HEXB: variants seen among roughly 807,000 people sequenced by gnomAD.
The protein encoded by HEXB is beta-hexosaminidase subunit beta.
Under a neutral mutation model 71.2 loss-of-function variants are expected in HEXB, and 51 were observed. The observed-to-expected ratio is 0.72, with a 90% CI of 0.57 to 0.90. The LOEUF (loss-of-function observed/expected upper bound fraction) is 0.90, where lower values mean the gene tolerates loss of function less well. HEXB is among the 40% of genes least tolerant of loss of function. The probability of loss-of-function intolerance (pLI) is 0.00; values close to 1 mark genes in which losing one functional copy is unlikely to be tolerated. For missense variants in HEXB, 617 were observed against 677.0 expected (o/e 0.91, Z 0.98); for synonymous variants, 266 against 249.3 (o/e 1.07, Z -0.63).
At chr5:74,640,672 G>C (rs1021565834) in intron 1 of HEXB, 1 of 152,448 alleles carries the variant, frequency 6.6e-6, no homozygotes, top group African/African-American at 2.4e-5. Flanking sequence ...CGTCTGGACC[G>C]GGTCTCCGCA....
At chr5:74,646,417 C>T (rs897330371) in intron 1 of HEXB, among the ~76,000 whole-genome samples, 1 of 152,132 alleles carries the variant, frequency 6.6e-6, no homozygotes, top group African/African-American at 2.4e-5. Flanking sequence ...AGGCTCTGCT[C>T]TTCTTGCACA....
Position 74,720,730 on chromosome 5 carries a change from C to A in HEXB, c.1596C>A (p.His532Gln). The A allele has an allele frequency of 6.2e-7, 1 of 1,613,492 alleles. No individual in the cohort carries two copies. Among genetic ancestry groups the A allele is most frequent in the African/African-American group, 1.3e-5 (1 of 75,020 alleles). The change falls in exon 13 of 14, where the codon CAC (histidine) becomes CAA (glutamine). Residue 532 changes from histidine (H) to glutamine (Q), a missense_variant. Coordinates refer to ENST00000261416, the MANE Select transcript of HEXB (RefSeq NM_000521.4). Reference protein sequence around the residue: ...MDDAYDRLTRHRCRMVERGIA... With the variant: ...MDDAYDRLTRQRCRMVERGIA... ...ACGCCTATGACAGACTGACAAGGCA[C>A]CGCTGCAGGATGGTCGAGTAAGAAA...
At chr5:74,697,753 C>T (rs1464405347) in intron 5 of HEXB, among the ~76,000 whole-genome samples, 4 of 141,294 alleles carry the variant, frequency 2.8e-5, no homozygotes, top group Non-Finnish European at 4.6e-5. Flanking sequence ...AAAAGGAATA[C>T]GTGGCCACCA....
At chr5:74,646,283 C>T (rs1748000049) in intron 1 of HEXB, among the ~76,000 whole-genome samples, 1 of 152,132 alleles carries the variant, frequency 6.6e-6, no homozygotes. Context: ...CCAAGTAACT[C>T]TCCTAAATAA....
chr5:74,695,821 A>G (rs550431350), intron 3 of HEXB, among the ~76,000 whole-genome samples: 2 of 145,350 alleles, frequency 1.4e-5, no homozygotes, highest in Admixed American at 1.4e-4. Context: ...GTCCTGGGTG[A>G]CAGAGCAAGA....
chr5:74,715,674 G>A lies in HEXB; in HGVS notation c.1066G>A (p.Val356Met), dbSNP rs181898554. 2.2e-5 allele frequency: 35 copies of A among 1,596,328 alleles called. No homozygotes were observed. The East Asian group carries it at 3.6e-4, about 16-fold the overall frequency. ...ATTCATTCATTTGGGAGGAGATGAA[G>A]TGGAATTTAAATGTTGGTAAGATGA... is the stretch of plus-strand genomic sequence containing the variant. Reference protein sequence around the residue: ...DQFIHLGGDEVEFKCWESNPK... With the variant: ...DQFIHLGGDEMEFKCWESNPK... Residue 356 changes from valine to methionine, a missense_variant, in exon 8 of 14, where the codon GTG becomes ATG. Transcript: ENST00000261416.
At chr5:74,715,984 T>G (rs981093908) in intron 8 of HEXB, among the ~76,000 whole-genome samples, 1 of 121,692 alleles carries the variant, frequency 8.2e-6, no homozygotes, top group Non-Finnish European at 1.6e-5. Flanking sequence ...GCCACTGTAC[T>G]CCAGACTGAG....
At chr5:74,643,257 A>C (rs1747940143) in intron 1 of HEXB, among the ~76,000 whole-genome samples, 1 of 152,180 alleles carries the variant, frequency 6.6e-6, no homozygotes, top group African/African-American at 2.4e-5. Flanking sequence ...ATAGCAATTC[A>C]AACGGTGTAA....
chr5:74,720,415 G>A lies in HEXB; in HGVS notation c.1418-13G>A, dbSNP rs749217290. The A allele has an allele frequency of 6.4e-7, 1 of 1,560,630 alleles. No homozygotes were observed. Among genetic ancestry groups the A allele is most frequent in the Non-Finnish European group, 8.8e-7 (1 of 1,131,220 alleles). On this transcript the variant is annotated splice_polypyrimidine_tract_variant and intron_variant, in intron 11 of 13. Transcript: ENST00000261416. ...TTTGAACTTCTGAACTTAATTCAAT[G>A]ATTTTAATTTAGGTACTCAGAAACA...
chr5:74,667,323 G>T (rs754221237), intron 1 of HEXB, among the ~76,000 whole-genome samples: 1 of 152,056 alleles, frequency 6.6e-6, no homozygotes, highest in Non-Finnish European at 1.5e-5. Flanking sequence ...GGAGGCTGAG[G>T]CAGGAGAATC....
Position 74,721,098 on chromosome 5 carries a change from T to G in HEXB, c.1614-20T>G. 2 of 1,575,360 alleles carry G rather than the reference T, an allele frequency of 1.3e-6. No homozygotes were observed. Among genetic ancestry groups the G allele is most frequent in the Non-Finnish European group, 1.7e-6 (2 of 1,144,908 alleles). On this transcript the variant is annotated intron_variant, in intron 13 of 13. Transcript: ENST00000261416. Reference sequence around the variant, plus strand: ...TCAATCTAAATCAATCTAAAATATCTTTATTCATGTTATCTACAGACGTGG... The same window carrying G: ...TCAATCTAAATCAATCTAAAATATCGTTATTCATGTTATCTACAGACGTGG...
rs375104867 is a variant in HEXB at position 74,652,461 on chromosome 5, G to C, written c.-377+11903G>C. ...AATCAATGGTACGAAAATTGCAGCC[G>C]CTCCCATGTGTTGGGATGTTTTGCA... On this transcript the variant is annotated intron_variant, in intron 1 of 13. Transcript: ENST00000511181. The surrounding 1 kb of genome is among the most constrained non-coding windows in gnomAD (Gnocchi z 5.4). 3.3e-5 allele frequency among the ~76,000 whole-genome samples: 5 copies of C among 152,166 alleles called. No individual in the cohort carries two copies. Among genetic ancestry groups the C allele is most frequent in the Non-Finnish European group, 7.3e-5 (5 of 68,034 alleles).
chr5:74,649,720 TTG>T (rs1274399545), intron 1 of HEXB, among the ~76,000 whole-genome samples: 1 of 152,200 alleles, frequency 6.6e-6, no homozygotes, highest in Non-Finnish European at 1.5e-5. Flanking sequence ...AATGGTATAG[TTG>T]TGTTTTTTTA....
chr5:74,677,954 T>C (rs1364435718), intron 1 of HEXB, among the ~76,000 whole-genome samples: 1 of 152,124 alleles, frequency 6.6e-6, no homozygotes, highest in Non-Finnish European at 1.5e-5. Flanking sequence ...TAAAACAATG[T>C]GTGTGCATGC....
intron 6 of HEXB, among the ~76,000 whole-genome samples, chr5:74,707,490 C>G (rs923484448): frequency 2.6e-5 from 4 of 151,782 alleles, no homozygotes; most frequent in African/African-American, 9.7e-5. Context: ...GATCAAACTA[C>G]GAGCTACAGG....
intron 1 of HEXB, among the ~76,000 whole-genome samples, chr5:74,671,070 A>G (rs1283684236): frequency 1.3e-5 from 2 of 152,306 alleles, no homozygotes; most frequent in Non-Finnish European, 2.9e-5. Flanking sequence ...GAAAAGTCCT[A>G]TATCAGTATT....
At chr5:74,677,321 C>G (rs968641272) in intron 1 of HEXB, among the ~76,000 whole-genome samples, 2 of 152,086 alleles carry the variant, frequency 1.3e-5, no homozygotes, top group Non-Finnish European at 2.9e-5. Context: ...AAACTCTTGC[C>G]TCTCTGGGCC....
At chr5:74,682,954 A>G (rs901985321), upstream of HEXB, among the ~76,000 whole-genome samples, 4 of 152,236 alleles carry the variant, frequency 2.6e-5, no homozygotes, top group African/African-American at 9.6e-5. Context: ...ATGAAGGCTC[A>G]AAGACCCAGG....
chr5:74,666,672 A>G (rs1352050581), intron 1 of HEXB, among the ~76,000 whole-genome samples: 1 of 152,208 alleles, frequency 6.6e-6, no homozygotes, highest in Non-Finnish European at 1.5e-5. Flanking sequence ...TGGCAGCCAC[A>G]GTCATTGCCG....
Sources: gnomAD v4.1 joint callset for allele counts (sites outside exome capture counted in the v4.1 genomes callset) on GRCh38, gnomAD v4.1.1 for gene constraint, Gnocchi (gnomAD v3.1) non-coding constraint, MANE v1.5 for transcripts, NCBI Gene and HGNC (gene_info 2026-07-23, HGNC 2026-07-21) for gene names.